KALRN: variants seen among roughly 807,000 people sequenced by gnomAD.
The protein encoded by KALRN is kalirin RhoGEF kinase, also known as kalirin.
A neutral mutation model predicts 353.7 loss-of-function variants in KALRN; 70 were observed. That is an observed-to-expected ratio of 0.20 (90% confidence interval 0.16 to 0.24). The LOEUF is 0.24. KALRN is among the 10% of genes least tolerant of loss of function. The probability of loss-of-function intolerance (pLI) is 1.00; values close to 1 mark genes in which losing one functional copy is unlikely to be tolerated. For synonymous variants in KALRN, 1,391 were observed against 1,434.8 expected (o/e 0.97, Z 0.69); for missense variants, 2,791 against 3,756.7 (o/e 0.74, Z 6.72).
At chr3:124,299,976 C>T (rs1177241471) in intron 6 of KALRN, among the ~76,000 whole-genome samples, 1 of 152,154 alleles carries the variant, frequency 6.6e-6, no homozygotes, top group African/African-American at 2.4e-5. Context: ...AATAGCTCCA[C>T]CATTCCTCAT....
chr3:124,466,298 A>T (rs2060339964), intron 25 of KALRN, among the ~76,000 whole-genome samples: 1 of 152,176 alleles, frequency 6.6e-6, no homozygotes, highest in Non-Finnish European at 1.5e-5. Flanking sequence ...ATAACTATAT[A>T]ATCATGAAAT....
At chr3:124,710,747 C>T (rs1559880682) in intron 57 of KALRN, among the ~76,000 whole-genome samples, 1 of 152,216 alleles carries the variant, frequency 6.6e-6, no homozygotes, top group Non-Finnish European at 1.5e-5. Context: ...CAAGATCATG[C>T]TACTGCACTC....
chr3:124,367,990 C>G (rs868728187), intron 10 of KALRN, among the ~76,000 whole-genome samples: 1 of 17,066 alleles, frequency 5.9e-5, no homozygotes, highest in African/African-American at 2.6e-4. Context: ...TAGGGGCGGC[C>G]GGGCAGAGGC....
intron 9 of KALRN, among the ~76,000 whole-genome samples, chr3:124,339,519 A>C (rs1354306998): frequency 6.6e-6 from 1 of 152,192 alleles, no homozygotes; most frequent in African/African-American, 2.4e-5. Flanking sequence ...TGGTGCCTGC[A>C]TGCTCTCCAG....
chr3:124,658,622 C>T, intron 42 of KALRN, 105 bp downstream of exon 42: 1 of 832,670 alleles, frequency 1.2e-6, no homozygotes, highest in Non-Finnish European at 2.1e-6. Flanking sequence ...GACCCCCACA[C>T]AGCACCGTTG....
intron 1 of KALRN, among the ~76,000 whole-genome samples, chr3:124,064,358 C>T (rs998758616): frequency 5.9e-5 from 9 of 152,038 alleles, no homozygotes; most frequent in East Asian, 1.9e-4. Flanking sequence ...AGCCATTTAG[C>T]GGCAGAACAT....
intron 1 of KALRN, among the ~76,000 whole-genome samples, chr3:124,145,527 C>A (rs1345973346): frequency 6.6e-6 from 1 of 152,238 alleles, no homozygotes; most frequent in Non-Finnish European, 1.5e-5. Flanking sequence ...GGCAGTGCCA[C>A]TCACTGCCCC....
chr3:124,261,913 T>C (rs527988965), intron 3 of KALRN, among the ~76,000 whole-genome samples: 2 of 152,118 alleles, frequency 1.3e-5, no homozygotes, highest in Non-Finnish European at 2.9e-5. Context: ...AAGCCACTAA[T>C]CCCTGATAGA....
At chr3:124,693,632 A>T (rs971138709) in intron 51 of KALRN, among the ~76,000 whole-genome samples, 172 bp from the exon 52 acceptor site, 5 of 152,204 alleles carry the variant, frequency 3.3e-5, no homozygotes, top group Non-Finnish European at 7.3e-5. Context: ...AATTGTTGCT[A>T]AAGAGAGGTT....
intron 1 of KALRN, among the ~76,000 whole-genome samples, chr3:124,087,110 G>T (rs1261627556): frequency 6.6e-6 from 1 of 152,048 alleles, no homozygotes; most frequent in East Asian, 1.9e-4. Flanking sequence ...GCCCCTTCAT[G>T]CATTTTAGTG....
intron 1 of KALRN, among the ~76,000 whole-genome samples, chr3:124,110,095 TG>T: frequency 3.2e-5 from 1 of 31,662 alleles, no homozygotes; most frequent in Non-Finnish European, 5.5e-5. Flanking sequence ...GATATATATA[TG>T]ACATATATGT....
chr3:124,586,897 T>C (rs2075248943), intron 34 of KALRN, among the ~76,000 whole-genome samples: 1 of 152,072 alleles, frequency 6.6e-6, no homozygotes, highest in African/African-American at 2.4e-5. Context: ...CTGGGGGTCG[T>C]GTCTGAGGTG....
At chr3:124,047,794 C>T (rs889663365) in intron 1 of KALRN, among the ~76,000 whole-genome samples, 15 of 151,894 alleles carry the variant, frequency 9.9e-5, no homozygotes, top group African/African-American at 2.9e-4. Flanking sequence ...TGAGCCACGG[C>T]GCCCGGCCAG....
chr3:124,292,154 T>C (rs867118853), intron 5 of KALRN, among the ~76,000 whole-genome samples: 1 of 152,194 alleles, frequency 6.6e-6, no homozygotes, highest in Non-Finnish European at 1.5e-5. Flanking sequence ...CCAAGTTCCA[T>C]GAAAGCAAAA....
intron 5 of KALRN, among the ~76,000 whole-genome samples, chr3:124,269,927 G>C (rs2073959067): frequency 6.6e-6 from 1 of 152,120 alleles, no homozygotes; most frequent in Non-Finnish European, 1.5e-5. Flanking sequence ...TGTTTCCAAA[G>C]GTTTCTCTTC....
intron 3 of KALRN, among the ~76,000 whole-genome samples, chr3:124,239,387 T>C (rs2080170168): frequency 6.6e-6 from 1 of 152,216 alleles, no homozygotes; most frequent in Admixed American, 6.5e-5. Flanking sequence ...TCATCACTGT[T>C]AGCCTGCTTT....
At chr3:124,111,203 A>G (rs925787117) in intron 1 of KALRN, among the ~76,000 whole-genome samples, 4 of 152,194 alleles carry the variant, frequency 2.6e-5, no homozygotes, top group Non-Finnish European at 5.9e-5. Context: ...ACATCTTTCC[A>G]TTCTACCATC....
chr3:124,312,966 A>G (rs906288659), intron 6 of KALRN, among the ~76,000 whole-genome samples: 2 of 152,226 alleles, frequency 1.3e-5, no homozygotes, highest in African/African-American at 4.8e-5. Flanking sequence ...TAAGCATTTC[A>G]CAGTGTCTGT....
intron 13 of KALRN, among the ~76,000 whole-genome samples, chr3:124,409,757 G>C (rs111994843): frequency 9.9e-5 from 15 of 152,216 alleles, no homozygotes; most frequent in African/African-American, 3.4e-4. Flanking sequence ...CCAGAAAGAA[G>C]GTGGGGAGGA....
Sources: allele counts gnomAD v4.1 joint callset (sites outside exome capture counted in the v4.1 genomes callset), GRCh38; gene constraint gnomAD v4.1.1; transcripts MANE v1.5; gene names NCBI Gene and HGNC (gene_info 2026-07-23, HGNC 2026-07-21).